Variants in SEMA3E observed in about 807,000 individuals in gnomAD.
SEMA3E encodes the protein semaphorin-3E.
In SEMA3E, 49 loss-of-function variants were observed where a neutral mutation model predicts 93.6. That is an observed-to-expected ratio of 0.52 (90% confidence interval 0.42 to 0.66). SEMA3E has a LOEUF of 0.66. Ranked by LOEUF, SEMA3E falls within the 30% of genes least tolerant of loss-of-function variation. SEMA3E has a pLI of 0.00. For synonymous variants in SEMA3E, 363 were observed against 330.7 expected (o/e 1.10, Z -1.06); for missense variants, 906 against 964.8 (o/e 0.94, Z 0.81).
At chr7:83,475,873 T>C (rs188164919) in intron 2 of SEMA3E, among the ~76,000 whole-genome samples, 52 of 152,330 alleles carry the variant, frequency 3.4e-4, no homozygotes, top group Non-Finnish European at 6.2e-4. Context: ...AAACTAATAA[T>C]GGCAATTGCT....
At chr7:83,468,914 C>A (rs1014119730) in intron 3 of SEMA3E, among the ~76,000 whole-genome samples, 1 of 151,964 alleles carries the variant, frequency 6.6e-6, no homozygotes, top group African/African-American at 2.4e-5. Flanking sequence ...ATGTGCTTAA[C>A]TGTTCCTAGA....
intron 5 of SEMA3E, among the ~76,000 whole-genome samples, chr7:83,413,715 G>T (rs1201303254): frequency 6.6e-6 from 1 of 152,164 alleles, no homozygotes. Context: ...GGTTTGGGAA[G>T]ATGATTAGCA....
At chr7:83,455,504 T>G (rs1000046437) in intron 4 of SEMA3E, among the ~76,000 whole-genome samples, 2 of 152,210 alleles carry the variant, frequency 1.3e-5, no homozygotes, top group Admixed American at 6.5e-5. Flanking sequence ...ATGTAAGATA[T>G]GGAAAGAATA....
At chr7:83,387,174 A>G in intron 14 of SEMA3E, 124 bp from the exon 15 acceptor site, 1 of 797,106 alleles carries the variant, frequency 1.3e-6, no homozygotes, top group African/African-American at 1.7e-5. Flanking sequence ...TTCATATGAA[A>G]AAAGAATAAA....
Position 83,396,728 on chromosome 7 carries a change from A to G in SEMA3E, c.1368T>C (p.Asp456=). 2.5e-6 allele frequency: 4 copies of G among 1,585,686 alleles called. No homozygotes were observed. Among genetic ancestry groups the G allele is most frequent in the Non-Finnish European group, 3.5e-6 (4 of 1,157,074 alleles). The change falls in exon 12 of 17, where the codon GAT becomes GAC. Residue 456 remains aspartate (D), a splice_region_variant and synonymous_variant. Coordinates refer to ENST00000643230, the MANE Select transcript of SEMA3E (RefSeq NM_012431.3). The part of the protein sequence containing the change: ...GQYDVLFIGT[D]NGIVLKVITI... ...TGATTACTTTCAGCACAATTCCATT[A>G]TCTGTAAGAAAACAAAACAAGAAAT... is the stretch of plus-strand genomic sequence containing the variant.
chr7:83,601,195 A>T (rs763377785), intron 1 of SEMA3E, among the ~76,000 whole-genome samples: 5 of 152,200 alleles, frequency 3.3e-5, no homozygotes, highest in Admixed American at 6.5e-5. Flanking sequence ...CTAACAACCC[A>T]CTTAAGGCTT....
intron 1 of SEMA3E, among the ~76,000 whole-genome samples, chr7:83,526,636 G>C (rs1791166321): frequency 6.6e-6 from 1 of 152,042 alleles, no homozygotes; most frequent in Non-Finnish European, 1.5e-5. Context: ...GGCCACCTCG[G>C]TTCTGCCAAA....
chr7:83,368,069 A>G lies in SEMA3E; in HGVS notation c.1876-31T>C, dbSNP rs750919211. The G allele has an allele frequency of 7.0e-6, 11 of 1,580,588 alleles. No homozygotes were observed. The Admixed American group carries it at 1.8e-4, about 26-fold the overall frequency. ...AAAACAAAAAAGTAAATGGCACTGAAGTACACAGGAGAGAAAATAACAATC... is the reference window on the plus strand; with the variant it reads ...AAAACAAAAAAGTAAATGGCACTGAGGTACACAGGAGAGAAAATAACAATC... On this transcript the variant is annotated intron_variant, in intron 16 of 16. Transcript: ENST00000643230.
intron 1 of SEMA3E, among the ~76,000 whole-genome samples, chr7:83,518,657 A>C (rs889274640): frequency 1.3e-5 from 2 of 152,200 alleles, no homozygotes; most frequent in Non-Finnish European, 2.9e-5. Flanking sequence ...TCATTATTAA[A>C]AAGAGAGGTA....
At chr7:83,591,121 A>AAAAAC (rs1301693114) in intron 1 of SEMA3E, among the ~76,000 whole-genome samples, 1 of 142,958 alleles carries the variant, frequency 7.0e-6, no homozygotes, top group African/African-American at 3.0e-5. Context: ...AAAAAAAAAA[A>AAAAAC]ACAAGAGGAA....
At chr7:83,599,963 AG>A (rs1792950397) in intron 1 of SEMA3E, among the ~76,000 whole-genome samples, 1 of 152,232 alleles carries the variant, frequency 6.6e-6, no homozygotes, top group Non-Finnish European at 1.5e-5. Context: ...TACATTTAAA[AG>A]TAACAGATTT....
intron 2 of SEMA3E, 84 bp downstream of exon 2, chr7:83,490,030 T>C: frequency 2.2e-6 from 3 of 1,347,722 alleles, no homozygotes; most frequent in Non-Finnish European, 3.1e-6. Context: ...AAGTGGTCAA[T>C]ACAATTAAAA....
At chr7:83,390,158 CATAT>C (rs1562758645) in intron 14 of SEMA3E, among the ~76,000 whole-genome samples, 896 of 16,244 alleles carry the variant, frequency 0.055, 237 homozygotes, top group Middle Eastern at 0.25. Flanking sequence ...TACGTGTGCA[CATAT>C]ATGCGCGTAT....
intron 1 of SEMA3E, among the ~76,000 whole-genome samples, chr7:83,603,272 T>G (rs1407403659): frequency 1.3e-5 from 2 of 152,130 alleles, no homozygotes; most frequent in African/African-American, 2.4e-5. Context: ...TAAATAAACA[T>G]GAACATAATC....
At chr7:83,643,440 C>T (rs978578606) in intron 1 of SEMA3E, among the ~76,000 whole-genome samples, 1 of 151,966 alleles carries the variant, frequency 6.6e-6, no homozygotes, top group African/African-American at 2.4e-5. Flanking sequence ...TATAAATTCA[C>T]TGTTTATATA....
At chr7:83,596,473 A>T (rs1437057705) in intron 1 of SEMA3E, among the ~76,000 whole-genome samples, 2 of 152,168 alleles carry the variant, frequency 1.3e-5, no homozygotes, top group African/African-American at 4.8e-5. Context: ...TAACACATTC[A>T]TACATATAGT....
intron 4 of SEMA3E, among the ~76,000 whole-genome samples, chr7:83,433,732 A>G (rs1413350074): frequency 6.6e-6 from 1 of 152,134 alleles, no homozygotes; most frequent in African/African-American, 2.4e-5. Flanking sequence ...AAATGTGAAT[A>G]GTTAATTGTA....
chr7:83,434,737 G>A (rs1420800713), intron 4 of SEMA3E, among the ~76,000 whole-genome samples: 8 of 137,426 alleles, frequency 5.8e-5, no homozygotes, highest in Admixed American at 7.7e-5. Flanking sequence ...TTTTTGAGAC[G>A]GAGTCTCGCT....
rs377391311 is a variant in SEMA3E at position 83,466,466 on chromosome 7, G to A, written c.456+16C>T. The A allele has an allele frequency of 3.1e-6, 5 of 1,613,378 alleles. No homozygotes were observed. In the African/African-American group the frequency reaches 6.7e-5, roughly 22 times the overall value. On this transcript the variant is annotated intron_variant, in intron 4 of 16. Transcript: ENST00000643230. ...AAGCATTGTTTTTATTGACAGCAAT[G>A]AATGAAACATCTTACCTCCAAATGA...
Sources: allele counts gnomAD v4.1 joint callset (sites outside exome capture counted in the v4.1 genomes callset), GRCh38; gene constraint gnomAD v4.1.1; transcripts MANE v1.5; gene names NCBI Gene and HGNC (gene_info 2026-07-23, HGNC 2026-07-21).